The following ATG7 variants were observed in gnomAD, a reference collection of about 807,000 sequenced individuals.
The protein encoded by ATG7 is ubiquitin-like modifier-activating enzyme ATG7.
In ATG7, 70 loss-of-function variants were observed where a neutral mutation model predicts 82.4. That is an observed-to-expected ratio of 0.85 (90% CI 0.70 to 1.04). The LOEUF is 1.04. Among genes scored for constraint, ATG7 ranks in the 50% least tolerant of loss-of-function variants. The pLI, the probability that ATG7 is intolerant of heterozygous loss-of-function variation, is 0.00. For missense variants in ATG7, 792 were observed against 864.3 expected (o/e 0.92, Z 1.05); for synonymous variants, 287 against 313.0 (o/e 0.92, Z 0.88).
intron 20 of ATG7, among the ~76,000 whole-genome samples, chr3:11,514,877 G>C (rs1469975105): frequency 6.9e-6 from 1 of 144,868 alleles, no homozygotes; most frequent in Admixed American, 7.1e-5. Context: ...GTCTCGCTCT[G>C]TCACCCAGGC....
chr3:11,496,146 C>T (rs1013395430), intron 20 of ATG7, among the ~76,000 whole-genome samples: 10 of 152,214 alleles, frequency 6.6e-5, no homozygotes, highest in South Asian at 2.1e-4. Flanking sequence ...AAAAGGAGGA[C>T]GTTATCGCTC....
At chr3:11,429,997 A>G (rs1217589637) in intron 20 of ATG7, among the ~76,000 whole-genome samples, 1 of 151,272 alleles carries the variant, frequency 6.6e-6, no homozygotes, top group African/African-American at 2.4e-5. Flanking sequence ...TTCCTTCTAT[A>G]CAGGTCCCTT....
chr3:11,395,119 A>G (rs971819718), intron 19 of ATG7, among the ~76,000 whole-genome samples: 1 of 152,224 alleles, frequency 6.6e-6, no homozygotes, highest in Non-Finnish European at 1.5e-5. Flanking sequence ...CTGAAAATTC[A>G]AAAACAAAAT....
intron 15 of ATG7, 128 bp downstream of exon 15, chr3:11,358,740 G>A: frequency 1.0e-6 from 1 of 976,128 alleles, no homozygotes; most frequent in East Asian, 2.6e-5. Context: ...AGTGCCAAAG[G>A]GCTTCTGCTT....
intron 20 of ATG7, among the ~76,000 whole-genome samples, chr3:11,427,280 T>C (rs769114314): frequency 1.4e-4 from 21 of 152,276 alleles, no homozygotes; most frequent in African/African-American, 3.1e-4. Context: ...GGTAAAGACA[T>C]TGGACTCCAG....
chr3:11,507,631 TTTTTTGTTTTTG>T (rs529666650), intron 20 of ATG7, among the ~76,000 whole-genome samples: 1 of 152,158 alleles, frequency 6.6e-6, no homozygotes, highest in African/African-American at 2.4e-5. Context: ...GTTATGGGTG[TTTTTTGTTTTTG>T]TTTTTGTTTT....
At chr3:11,551,734 T>C (rs1273376267) in intron 20 of ATG7, among the ~76,000 whole-genome samples, 1 of 149,958 alleles carries the variant, frequency 6.7e-6, no homozygotes, top group African/African-American at 2.5e-5. Flanking sequence ...CCAGCCAATA[T>C]AATGGGTTCT....
intron 5 of ATG7, among the ~76,000 whole-genome samples, chr3:11,303,857 G>C (rs1202300227): frequency 1.4e-5 from 2 of 147,052 alleles, no homozygotes; most frequent in African/African-American, 2.5e-5. Flanking sequence ...GGTGGGTCAC[G>C]AGGTCAGGGA....
chr3:11,554,969 ATTCCC>A lies in ATG7; in HGVS notation c.*127_*131del. On this transcript the variant is annotated 3_prime_UTR_variant, in exon 21 of 21. Transcript: ENST00000693202. ...CCTCCTCCATACCCCGAGGTCTGGG[ATTCCC>A]CCCTCTGCTGCCCAGGAGTGGCCAG... The A allele has an allele frequency of 8.0e-7, 1 of 1,242,690 alleles. No homozygotes were observed. Among genetic ancestry groups the A allele is most frequent in the South Asian group, 1.5e-5 (1 of 66,838 alleles). 77.0% of individuals were successfully genotyped at this position (1,242,690 alleles called of 1,614,324 possible).
chr3:11,445,217 A>T (rs2084414975), intron 20 of ATG7, among the ~76,000 whole-genome samples: 1 of 152,232 alleles, frequency 6.6e-6, no homozygotes, highest in Non-Finnish European at 1.5e-5. Flanking sequence ...TACCCAAAGG[A>T]ATATAAATCA....
chr3:11,460,920 C>G (rs2086242551), intron 20 of ATG7, among the ~76,000 whole-genome samples: 1 of 152,174 alleles, frequency 6.6e-6, no homozygotes. Flanking sequence ...TTTTGAGAAC[C>G]ACCTGGTATG....
intron 20 of ATG7, among the ~76,000 whole-genome samples, chr3:11,514,847 T>G (rs2092214446): frequency 6.6e-6 from 1 of 151,630 alleles, no homozygotes; most frequent in South Asian, 2.1e-4. Context: ...TAGGTTTTTT[T>G]TTTTTTTTTT....
At chr3:11,458,333 C>T (rs530237131) in intron 20 of ATG7, among the ~76,000 whole-genome samples, 22 of 151,960 alleles carry the variant, frequency 1.4e-4, no homozygotes, top group African/African-American at 2.4e-4. Context: ...GCACCATCTC[C>T]GCTCACTGCA....
rs182910361 is a variant in ATG7 at position 11,423,556 on chromosome 3, C to T, written c.1957-3248C>T. 6.0e-4 allele frequency among the ~76,000 whole-genome samples: 92 copies of T among 152,066 alleles called. No homozygotes were observed. In the East Asian group the frequency reaches 7.9e-3, roughly 13 times the overall value. ...AATTTCAGTGGACATTTTTTCCTGA[C>T]GTAACATTCTGGTTTATAAGGAATC... On this transcript the variant is annotated intron_variant, in intron 19 of 20. Transcript: ENST00000693202.
At chr3:11,407,046 C>T (rs1456160975) in intron 19 of ATG7, among the ~76,000 whole-genome samples, 1 of 152,204 alleles carries the variant, frequency 6.6e-6, no homozygotes, top group African/African-American at 2.4e-5. Flanking sequence ...TCCAAAGTCT[C>T]TTCTGAGACA....
At chr3:11,435,576 C>T (rs953366188) in intron 20 of ATG7, among the ~76,000 whole-genome samples, 12 of 152,050 alleles carry the variant, frequency 7.9e-5, no homozygotes, top group Non-Finnish European at 1.2e-4. Context: ...ATGAGTAACC[C>T]GAATCCTGGC....
intron 20 of ATG7, among the ~76,000 whole-genome samples, chr3:11,503,906 AGAAAAGAT>A (rs1193682363): frequency 6.6e-6 from 1 of 152,134 alleles, no homozygotes; most frequent in Non-Finnish European, 1.5e-5. Context: ...AAAATAAGGG[AGAAAAGAT>A]GAAAAGATGG....
chr3:11,418,264 C>T (rs561596316), intron 19 of ATG7, among the ~76,000 whole-genome samples: 45 of 135,492 alleles, frequency 3.3e-4, no homozygotes, highest in Admixed American at 2.3e-3. Flanking sequence ...GTCACCATAC[C>T]TGGCTATTTT....
chr3:11,564,776 C>A, the ATG7 span: 1 of 1,534,552 alleles, frequency 6.5e-7, no homozygotes, highest in Non-Finnish European at 8.7e-7. Flanking sequence ...CCCCACGCCA[C>A]CCTCCCAGAC....
Sources: allele counts gnomAD v4.1 joint callset (sites outside exome capture counted in the v4.1 genomes callset), GRCh38; gene constraint gnomAD v4.1.1; transcripts MANE v1.5; gene names NCBI Gene and HGNC (gene_info 2026-07-23, HGNC 2026-07-21).